PXDN: variants seen among roughly 807,000 people sequenced by gnomAD.
PXDN encodes peroxidasin homolog.
PXDN carries 77 observed loss-of-function variants against 140.3 expected under a neutral mutation model. That is an observed-to-expected ratio of 0.55 (90% CI 0.46 to 0.66). The LOEUF (loss-of-function observed/expected upper bound fraction) is 0.66, where lower values mean the gene tolerates loss of function less well. Among genes scored for constraint, PXDN ranks in the 30% least tolerant of loss-of-function variants. The probability of loss-of-function intolerance (pLI) is 0.00; values close to 1 mark genes in which losing one functional copy is unlikely to be tolerated. For synonymous variants in PXDN, 911 were observed against 857.4 expected (o/e 1.06, Z -1.09); for missense variants, 1,838 against 2,039.5 (o/e 0.90, Z 1.90).
intron 1 of PXDN, among the ~76,000 whole-genome samples, chr2:1,732,329 G>A (rs11692456): frequency 0.4 from 60,823 of 151,944 alleles, 12,932 homozygotes; most frequent in Admixed American, 0.54. Context: ...CCTGCAGAGC[G>A]TCCAGCACTG....
Position 1,649,391 on chromosome 2 carries a change from GGC to G in PXDN, c.2387_2388del (p.Arg796ProfsTer70). The G allele has an allele frequency of 6.2e-7, 1 of 1,613,976 alleles. No homozygotes were observed. The highest frequency in any genetic ancestry group is 8.5e-7 in the Non-Finnish European group (1 of 1,179,874). ...GTCCCGATCAGGGTGGTGGACACCA[GGC>G]GCGGCATGGGAAGGGCGTGCCCGTT... ...LYNGHALPMP[R>X]LVSTTLIGTE... On this transcript the variant is annotated frameshift_variant, in exon 17 of 23. Transcript: ENST00000252804. LOFTEE classifies it high-confidence loss of function. The surrounding 1 kb of genome is among the most constrained non-coding windows in gnomAD (Gnocchi z 7.1).
At chr2:1,640,306 A>G (rs961207098) in intron 19 of PXDN, among the ~76,000 whole-genome samples, 14 of 152,246 alleles carry the variant, frequency 9.2e-5, no homozygotes, top group Non-Finnish European at 1.8e-4. Flanking sequence ...ACGAAAGTGA[A>G]GGGCAAATAT....
chr2:1,645,406 T>C (rs940242968), intron 17 of PXDN, among the ~76,000 whole-genome samples: 1 of 152,238 alleles, frequency 6.6e-6, no homozygotes, highest in African/African-American at 2.4e-5. Flanking sequence ...ACGCAGCAGA[T>C]GATGCCTGTT....
chr2:1,707,952 C>T (rs1303280257), intron 1 of PXDN, among the ~76,000 whole-genome samples: 1 of 152,234 alleles, frequency 6.6e-6, no homozygotes, highest in Admixed American at 6.5e-5. Context: ...TTACACAAAG[C>T]GAGAGAACGG....
chr2:1,645,346 A>T (rs1409470336), intron 17 of PXDN, among the ~76,000 whole-genome samples: 1 of 152,228 alleles, frequency 6.6e-6, no homozygotes, highest in East Asian at 1.9e-4. Context: ...TATAAGCAAC[A>T]TGTCACAACT....
At chr2:1,744,669 T>C (rs1273827588), upstream of PXDN, 14 of 361,302 alleles carry the variant, frequency 3.9e-5, no homozygotes, top group East Asian at 7.0e-4. Context: ...AGCGCCCTCA[T>C]CCCGGTGGGG....
intron 19 of PXDN, among the ~76,000 whole-genome samples, chr2:1,642,237 T>C (rs1374396979): frequency 6.6e-6 from 1 of 151,850 alleles, no homozygotes; most frequent in Non-Finnish European, 1.5e-5. Flanking sequence ...GTACACACAC[T>C]CCACACACAC....
intron 19 of PXDN, among the ~76,000 whole-genome samples, chr2:1,640,233 G>A (rs1199460865): frequency 6.6e-5 from 10 of 152,198 alleles, no homozygotes; most frequent in Admixed American, 3.9e-4. Context: ...ACTATCTAAC[G>A]AAGTAATGGG....
Position 1,639,378 on chromosome 2 carries a change from G to A in PXDN, c.3997C>T (p.Arg1333Ter), listed in dbSNP as rs1350249399. 14 of 1,613,848 alleles carry A rather than the reference G, an allele frequency of 8.7e-6. No homozygotes were observed. The highest frequency in any genetic ancestry group is 4.5e-5 in the East Asian group (2 of 44,886). The change falls in exon 20 of 23, where the codon CGA becomes TGA. Residue 1333 changes from arginine (R) to a stop codon, truncating the protein, a stop_gained. Coordinates refer to ENST00000252804, the MANE Select transcript of PXDN (RefSeq NM_012293.3). LOFTEE classifies it high-confidence loss of function. This position sits in a 1 kb window ranked among gnomAD's most constrained non-coding sequence, Gnocchi z 5.0. ...GQFNAFSYHF[R>*]GRRSLEFSYQ... is the part of the protein sequence containing the mutation. ...CTGAACTCAAGAGACCGTCTGCCTCGGAAATGATAGGAAAAGGCATTGAAC... is the reference window on the plus strand; with the variant it reads ...CTGAACTCAAGAGACCGTCTGCCTCAGAAATGATAGGAAAAGGCATTGAAC...
chr2:1,665,355 C>A (rs1009487181), intron 10 of PXDN, among the ~76,000 whole-genome samples: 1 of 152,184 alleles, frequency 6.6e-6, no homozygotes, highest in Non-Finnish European at 1.5e-5. Flanking sequence ...GGACACACTG[C>A]AGCTCGTGGA....
intron 1 of PXDN, among the ~76,000 whole-genome samples, chr2:1,732,457 T>G (rs139262125): frequency 5.4e-5 from 8 of 148,818 alleles, no homozygotes; most frequent in Admixed American, 2.7e-4. Context: ...ACACACACAC[T>G]GGGCCAGAAG....
At chr2:1,740,169 G>A (rs897442282) in intron 1 of PXDN, among the ~76,000 whole-genome samples, 18 of 152,226 alleles carry the variant, frequency 1.2e-4, no homozygotes, top group Non-Finnish European at 2.4e-4. Flanking sequence ...AGGAGGAGGA[G>A]GGCATGGGAA....
Position 1,685,639 on chromosome 2 carries a change from C to T in PXDN, c.417-1488G>A, listed in dbSNP as rs1278406649. Among the ~76,000 whole-genome samples, 4 of 152,074 alleles carry T rather than the reference C, an allele frequency of 2.6e-5. No individual in the cohort carries two copies. The highest frequency in any genetic ancestry group is 5.9e-5 in the Non-Finnish European group (4 of 68,012). On this transcript the variant is annotated intron_variant, in intron 4 of 22. Transcript: ENST00000252804. This position sits in a 1 kb window ranked among gnomAD's most constrained non-coding sequence, Gnocchi z 5.1. Reference sequence around the variant, plus strand: ...AGGGAAGGAAAGGGGGTATTTCAAGCCCCACGGAGAGCGATGGGTGTAAAA... The same window carrying T: ...AGGGAAGGAAAGGGGGTATTTCAAGTCCCACGGAGAGCGATGGGTGTAAAA...
At chr2:1,713,316 G>A (rs1572185250) in intron 1 of PXDN, among the ~76,000 whole-genome samples, 1 of 152,324 alleles carries the variant, frequency 6.6e-6, no homozygotes, top group Admixed American at 6.5e-5. Context: ...GCCTCTCCCT[G>A]CTACAGTTTT....
chr2:1,700,425 G>T (rs947421917), intron 1 of PXDN, among the ~76,000 whole-genome samples: 5 of 151,738 alleles, frequency 3.3e-5, no homozygotes, highest in African/African-American at 7.3e-5. Flanking sequence ...TAAGATTTTT[G>T]ATCACATTTG....
At chr2:1,652,740 C>T (rs1292532856) in intron 16 of PXDN, among the ~76,000 whole-genome samples, 3 of 152,222 alleles carry the variant, frequency 2.0e-5, no homozygotes, top group Non-Finnish European at 4.4e-5. Flanking sequence ...GAGCAACACT[C>T]TACTCCGAAG....
At chr2:1,697,580 A>G (rs1346757987) in intron 1 of PXDN, among the ~76,000 whole-genome samples, 1 of 151,104 alleles carries the variant, frequency 6.6e-6, no homozygotes, top group Non-Finnish European at 1.5e-5. Flanking sequence ...TATTTTAACA[A>G]TCATAATAAA....
intron 14 of PXDN, among the ~76,000 whole-genome samples, chr2:1,659,961 A>G (rs1300689822): frequency 1.3e-5 from 2 of 152,312 alleles, no homozygotes; most frequent in East Asian, 3.9e-4. Context: ...ATAGAGTCAC[A>G]GTGGAGGCCC....
intron 16 of PXDN, chr2:1,653,288 C>G: frequency 2.8e-6 from 1 of 361,952 alleles, no homozygotes; most frequent in Non-Finnish European, 5.4e-6. Flanking sequence ...AAGCACGCTG[C>G]CAAGTCCTCC....
Sources: gnomAD v4.1 joint callset for allele counts (sites outside exome capture counted in the v4.1 genomes callset) on GRCh38, gnomAD v4.1.1 for gene constraint, Gnocchi (gnomAD v3.1) non-coding constraint, MANE v1.5 for transcripts, NCBI Gene and HGNC (gene_info 2026-07-23, HGNC 2026-07-21) for gene names.